MSRA: variants seen among roughly 807,000 people sequenced by gnomAD.
The protein encoded by MSRA is mitochondrial peptide methionine sulfoxide reductase.
Under a neutral mutation model 31.3 loss-of-function variants are expected in MSRA, and 54 were observed. The observed-to-expected ratio is 1.73, with a 90% confidence interval of 1.39 to 2.17. The LOEUF is 2.17. MSRA is among the 30% of genes most tolerant of loss of function. The probability of loss-of-function intolerance (pLI) is 0.00; values close to 1 mark genes in which losing one functional copy is unlikely to be tolerated. For synonymous variants in MSRA, 169 were observed against 116.5 expected, an observed-to-expected ratio of 1.45 and a Z score of -2.90; for missense variants, 507 against 300.9, an observed-to-expected ratio of 1.69 and a Z score of -5.07.
intron 3 of MSRA, among the ~76,000 whole-genome samples, chr8:10,285,793 C>G (rs997682539): frequency 6.6e-6 from 1 of 151,994 alleles, no homozygotes; most frequent in Non-Finnish European, 1.5e-5. Flanking sequence ...GTCATCTAAG[C>G]TTATCTATGT....
intron 5 of MSRA, among the ~76,000 whole-genome samples, chr8:10,381,308 A>C (rs1806054776): frequency 6.6e-6 from 1 of 152,088 alleles, no homozygotes; most frequent in Non-Finnish European, 1.5e-5. Context: ...CCTATTCCTA[A>C]CATAAACCAG....
chr8:10,077,245 C>A (rs564831614), intron 1 of MSRA, among the ~76,000 whole-genome samples: 1 of 152,264 alleles, frequency 6.6e-6, no homozygotes, highest in South Asian at 2.1e-4. Flanking sequence ...GGGCGAGAGC[C>A]AGGCACCATG....
intron 5 of MSRA, among the ~76,000 whole-genome samples, chr8:10,350,027 G>T (rs1401895312): frequency 6.6e-5 from 10 of 152,262 alleles, no homozygotes; most frequent in African/African-American, 2.4e-4. Flanking sequence ...GAGTAGAAAT[G>T]ATGGACTCTT....
At chr8:10,380,583 A>G (rs1475349988) in intron 5 of MSRA, among the ~76,000 whole-genome samples, 1 of 152,250 alleles carries the variant, frequency 6.6e-6, no homozygotes, top group Non-Finnish European at 1.5e-5. Context: ...AGATAGAAAT[A>G]TGCAGTTACA....
chr8:10,159,586 T>C (rs1403591321), intron 1 of MSRA, among the ~76,000 whole-genome samples: 1 of 152,238 alleles, frequency 6.6e-6, no homozygotes, highest in Non-Finnish European at 1.5e-5. Flanking sequence ...TCCTTCACTT[T>C]ATTGAAATTT....
chr8:10,141,333 AG>A (rs1802687465), intron 1 of MSRA, among the ~76,000 whole-genome samples: 1 of 152,168 alleles, frequency 6.6e-6, no homozygotes, highest in Non-Finnish European at 1.5e-5. Flanking sequence ...GACCTAGAAA[AG>A]TTTCCATGAC....
intron 3 of MSRA, among the ~76,000 whole-genome samples, chr8:10,275,231 C>T (rs138533769): frequency 6.6e-6 from 1 of 152,096 alleles, no homozygotes; most frequent in Admixed American, 6.5e-5. Context: ...GAAAACAGAA[C>T]ATGTTTTCAT....
At chr8:10,370,359 G>A (rs1325526575) in intron 5 of MSRA, among the ~76,000 whole-genome samples, 2 of 152,138 alleles carry the variant, frequency 1.3e-5, no homozygotes, top group Admixed American at 6.5e-5. Flanking sequence ...CCCTCCAAAG[G>A]GCAATCCTTG....
chr8:10,119,843 A>G (rs1399635409), intron 1 of MSRA, among the ~76,000 whole-genome samples: 1 of 152,222 alleles, frequency 6.6e-6, no homozygotes, highest in Non-Finnish European at 1.5e-5. Flanking sequence ...AAGAGGGATA[A>G]TTGGAGAAAG....
At chr8:10,199,573 T>C (rs1808322247) in intron 1 of MSRA, among the ~76,000 whole-genome samples, 1 of 152,148 alleles carries the variant, frequency 6.6e-6, no homozygotes, top group African/African-American at 2.4e-5. Flanking sequence ...CCGCCAGTTT[T>C]TTTTTAATGA....
At chr8:10,319,090 C>T (rs1801893352) in intron 4 of MSRA, among the ~76,000 whole-genome samples, 1 of 152,052 alleles carries the variant, frequency 6.6e-6, no homozygotes, top group Admixed American at 6.6e-5. Flanking sequence ...TTTTTTTAAC[C>T]TGCACAGATT....
intron 3 of MSRA, among the ~76,000 whole-genome samples, chr8:10,259,788 A>T (rs760116722): frequency 1.1e-4 from 17 of 152,136 alleles, no homozygotes; most frequent in Non-Finnish European, 2.5e-4. Context: ...GCTTCCCTGC[A>T]CCTGGCTTTG....
At chr8:10,095,842 A>G (rs781360839) in intron 1 of MSRA, 245 of 1,256,490 alleles carry the variant, frequency 1.9e-4, no homozygotes, top group Non-Finnish European at 2.3e-4. Context: ...AAGCTTCCAT[A>G]GTGTCCATGC....
intron 5 of MSRA, among the ~76,000 whole-genome samples, chr8:10,405,018 T>C (rs1807714399): frequency 6.6e-6 from 1 of 152,174 alleles, no homozygotes; most frequent in Admixed American, 6.5e-5. Context: ...TGGGCCACCC[T>C]GTGCTCCCTC....
intron 1 of MSRA, among the ~76,000 whole-genome samples, chr8:10,063,835 T>A (rs924424309): frequency 6.6e-6 from 1 of 152,182 alleles, no homozygotes; most frequent in Non-Finnish European, 1.5e-5. Flanking sequence ...CAGGTTATGG[T>A]AAATTGTTAT....
chr8:10,294,273 A>G (rs1488871255), intron 3 of MSRA, among the ~76,000 whole-genome samples: 3 of 152,208 alleles, frequency 2.0e-5, no homozygotes, highest in Non-Finnish European at 4.4e-5. Context: ...TTCCCTGACC[A>G]AGGACATTGG....
intron 5 of MSRA, chr8:10,337,619 C>G (rs1314750903): frequency 3.0e-6 from 2 of 671,946 alleles, no homozygotes; most frequent in African/African-American, 3.6e-5. Context: ...TTTTCTGGTC[C>G]TGATATTGGA....
At chr8:10,422,237 G>A (rs1225837690) in intron 5 of MSRA, among the ~76,000 whole-genome samples, 1 of 152,196 alleles carries the variant, frequency 6.6e-6, no homozygotes, top group African/African-American at 2.4e-5. Flanking sequence ...CATCAACCAT[G>A]GTTGCACCAG....
chr8:10,225,848 C>A (rs564281424), intron 2 of MSRA, among the ~76,000 whole-genome samples: 1 of 152,220 alleles, frequency 6.6e-6, no homozygotes, highest in African/African-American at 2.4e-5. Context: ...CCAAGCCATG[C>A]TGAAAGGCAG....
Sources: gnomAD v4.1 joint callset for allele counts (sites outside exome capture counted in the v4.1 genomes callset) on GRCh38, gnomAD v4.1.1 for gene constraint, MANE v1.5 for transcripts, NCBI Gene and HGNC (gene_info 2026-07-23, HGNC 2026-07-21) for gene names.